The following SLC45A4 variants were observed in gnomAD, a reference collection of about 807,000 sequenced individuals.
The protein encoded by SLC45A4 is solute carrier family 45 member 4.
Under a neutral mutation model 63.7 loss-of-function variants are expected in SLC45A4, and 32 were observed. The ratio of observed to expected loss-of-function variants is 0.50; its 90% CI spans 0.38 to 0.67. SLC45A4 has a LOEUF of 0.67. SLC45A4 is among the 30% of genes least tolerant of loss of function. The pLI, the probability that SLC45A4 is intolerant of heterozygous loss-of-function variation, is 0.00. For synonymous variants in SLC45A4, 535 were observed against 510.0 expected, an observed-to-expected ratio of 1.05 and a Z score of -0.66; for missense variants, 1,027 against 1,157.7, an observed-to-expected ratio of 0.89 and a Z score of 1.64.
chr8:141,256,836 T>A lies in SLC45A4; in HGVS notation c.-400-2207A>T. ...AAACTGTCACCTTACTGCAATATTT[T>A]TTCAAAAAACTGTGTAATGAAACTT... On this transcript the variant is annotated intron_variant, in intron 1 of 8. Transcript: ENST00000517878. This position sits in a 1 kb window ranked among gnomAD's most constrained non-coding sequence, Gnocchi z 4.3. The A allele has an allele frequency of 2.9e-6, 1 of 341,128 alleles. No individual in the cohort carries two copies. The highest frequency in any genetic ancestry group is 5.9e-6 in the Non-Finnish European group (1 of 170,568). The allele number at this position is 341,128 out of a possible 1,614,324, so 21.1% of individuals were successfully genotyped here.
intron 2 of SLC45A4, chr8:141,252,684 T>TGTC (rs1828539925): frequency 7.4e-6 from 1 of 135,720 alleles, no homozygotes; most frequent in Non-Finnish European, 1.6e-5. Flanking sequence ...CACCTGTGCG[T>TGTC]CTGTGAATTT....
chr8:141,252,695 CCG>C (rs1828541146), intron 2 of SLC45A4: 1 of 126,050 alleles, frequency 7.9e-6, no homozygotes. Flanking sequence ...CTGTGAATTT[CCG>C]TGTTTTCACG....
intron 1 of SLC45A4, among the ~76,000 whole-genome samples, chr8:141,294,729 A>G (rs1830480298): frequency 6.6e-6 from 1 of 152,266 alleles, no homozygotes; most frequent in African/African-American, 2.4e-5. Context: ...GACAGAGGGC[A>G]GCACAAGAGA....
At chr8:141,249,969 T>C (rs543617247) in intron 2 of SLC45A4, among the ~76,000 whole-genome samples, 9 of 152,366 alleles carry the variant, frequency 5.9e-5, no homozygotes, top group African/African-American at 2.2e-4. Flanking sequence ...CTTACAGTTT[T>C]ACGTGAACTC....
intron 1 of SLC45A4, among the ~76,000 whole-genome samples, chr8:141,294,338 G>A (rs571281928): frequency 2.6e-5 from 4 of 152,256 alleles, no homozygotes; most frequent in African/African-American, 7.2e-5. Context: ...GGACCAGTGC[G>A]TGCAGAGGGA....
At chr8:141,305,578 C>A (rs2154615527) in intron 1 of SLC45A4, among the ~76,000 whole-genome samples, 1 of 152,360 alleles carries the variant, frequency 6.6e-6, no homozygotes, top group Non-Finnish European at 1.5e-5. Flanking sequence ...CAGGGGTGTT[C>A]CCAAGAAGGG....
chr8:141,254,859 A>C lies in SLC45A4; in HGVS notation c.-400-230T>G. The C allele has an allele frequency of 6.9e-6, 3 of 434,116 alleles. No homozygotes were observed. The highest frequency in any genetic ancestry group is 8.9e-6 in the Non-Finnish European group (2 of 225,844). 26.9% of individuals were successfully genotyped at this position (434,116 alleles called of 1,614,324 possible). On this transcript the variant is annotated intron_variant, in intron 1 of 8. Transcript: ENST00000517878. This position sits in a 1 kb window ranked among gnomAD's most constrained non-coding sequence, Gnocchi z 4.5. The stretch of plus-strand genomic sequence containing the variant: ...TCCTGGGGAAGGACAAAGGTGGGGC[A>C]ATCAAGGAAAGCAGGATCAAAGAAC...
At chr8:141,216,303 C>T (rs1358710928) in intron 6 of SLC45A4, among the ~76,000 whole-genome samples, 10 of 152,232 alleles carry the variant, frequency 6.6e-5, no homozygotes, top group African/African-American at 2.2e-4. Flanking sequence ...TCTGGCCGTA[C>T]ACCCAGGACG....
In SLC45A4 at chr8:141,218,260, G is replaced by T. The variant is rs762319285; in HGVS notation, c.1380C>A (p.Asp460Glu). 2.5e-6 allele frequency: 4 copies of T among 1,602,970 alleles called. No individual in the cohort carries two copies. Among genetic ancestry groups the T allele is most frequent in the Non-Finnish European group, 3.4e-6 (4 of 1,179,768 alleles). Residue 460 changes from aspartate to glutamate, a missense_variant, in exon 5 of 9, where the codon GAC becomes GAA. Transcript: ENST00000517878. ...KPSRSMSDLY[D>E]MQKRQRQHRH... ...GGTGCTGCCGCTGCCGCTTCTGCAT[G>T]TCGTACAGGTCGCTCATGCTGCGCG...
intron 2 of SLC45A4, chr8:141,253,407 C>T (rs1261526165): frequency 9.6e-6 from 2 of 208,042 alleles, no homozygotes; most frequent in African/African-American, 2.4e-5. Flanking sequence ...ATGCCTGTCT[C>T]TGAGCCATCT....
At chr8:141,273,805 A>G (rs927487954) in intron 1 of SLC45A4, among the ~76,000 whole-genome samples, 1 of 152,202 alleles carries the variant, frequency 6.6e-6, no homozygotes, top group African/African-American at 2.4e-5. Context: ...AAAAATGGAA[A>G]TGGCTAACTG....
intron 1 of SLC45A4, among the ~76,000 whole-genome samples, chr8:141,282,712 C>T (rs746500831): frequency 6.6e-6 from 1 of 152,266 alleles, no homozygotes; most frequent in Non-Finnish European, 1.5e-5. Context: ...AACCATCTTT[C>T]CCGGGGCTGG....
intron 1 of SLC45A4, among the ~76,000 whole-genome samples, chr8:141,293,274 G>A (rs926681377): frequency 7.9e-5 from 12 of 152,060 alleles, no homozygotes; most frequent in African/African-American, 2.9e-4. Flanking sequence ...CCAACATGGT[G>A]AAACCCCATC....
rs775903304 is a variant in SLC45A4 at position 141,212,277 on chromosome 8, C to T, written c.2221G>A (p.Gly741Ser). The change falls in exon 8 of 9, where the codon GGT becomes AGT. Residue 741 changes from glycine to serine, a missense_variant. Transcript: ENST00000517878. The stretch of plus-strand genomic sequence containing the variant: ...ACGGTGGGCTTTTCGCTGTTCCCAC[C>T]GGCCCTGCCTTCGCCGGCCAACGGG... The part of the protein sequence containing the change: ...SSPLAGEGRA[G>S]GNSEKPTVLK... 1.9e-5 allele frequency: 31 copies of T among 1,603,322 alleles called. No individual in the cohort carries two copies. Among genetic ancestry groups the T allele is most frequent in the Admixed American group, 6.7e-5 (4 of 59,368 alleles).
chr8:141,251,388 C>T (rs572678642), intron 2 of SLC45A4, among the ~76,000 whole-genome samples: 66 of 152,222 alleles, frequency 4.3e-4, no homozygotes, highest in Middle Eastern at 3.4e-3. Context: ...CCTTCCCACA[C>T]TGGTCCAGCC....
chr8:141,275,911 C>T (rs937305658), intron 1 of SLC45A4, among the ~76,000 whole-genome samples: 1 of 150,424 alleles, frequency 6.6e-6, no homozygotes, highest in Admixed American at 6.6e-5. Flanking sequence ...AGGACCTAAA[C>T]TTTACTTTTT....
intron 2 of SLC45A4, among the ~76,000 whole-genome samples, chr8:141,222,441 C>T (rs969700695): frequency 6.6e-6 from 1 of 152,130 alleles, no homozygotes; most frequent in Non-Finnish European, 1.5e-5. Context: ...TTCCTGACCA[C>T]CCAGGGAGGT....
chr8:141,247,323 CATG>C (rs1221864451), intron 2 of SLC45A4, among the ~76,000 whole-genome samples: 1 of 99,812 alleles, frequency 1.0e-5, no homozygotes, highest in Non-Finnish European at 2.7e-5. Flanking sequence ...TTTACAATAA[CATG>C]ATAACAATGA....
intron 1 of SLC45A4, among the ~76,000 whole-genome samples, chr8:141,265,119 G>T (rs1468993778): frequency 2.6e-5 from 4 of 152,234 alleles, no homozygotes; most frequent in Admixed American, 1.3e-4. Flanking sequence ...CTTAAAGATG[G>T]ATTGTATTTC....
Sources: allele counts gnomAD v4.1 joint callset (sites outside exome capture counted in the v4.1 genomes callset), GRCh38; gene constraint gnomAD v4.1.1; non-coding constraint Gnocchi (gnomAD v3.1); transcripts MANE v1.5; gene names NCBI Gene and HGNC (gene_info 2026-07-23, HGNC 2026-07-21).